The following UBAP2 variants were observed in gnomAD, a reference collection of about 807,000 sequenced individuals.
UBAP2 encodes ubiquitin-associated protein 2.
In UBAP2, 75 loss-of-function variants were observed where a neutral mutation model predicts 139.6. The observed-to-expected ratio is 0.54, with a 90% CI of 0.45 to 0.65. The LOEUF (loss-of-function observed/expected upper bound fraction) is 0.65. Ranked by LOEUF, UBAP2 falls within the 30% of genes least tolerant of loss-of-function variation. UBAP2 has a pLI of 0.00. For missense variants in UBAP2, 1,368 were observed against 1,369.6 expected, an observed-to-expected ratio of 1.00 and a Z score of 0.02; for synonymous variants, 526 against 526.2, an observed-to-expected ratio of 1.00 and a Z score of 0.01.
At chr9:34,008,708 T>C (rs1823460329) in intron 2 of UBAP2, among the ~76,000 whole-genome samples, 1 of 152,156 alleles carries the variant, frequency 6.6e-6, no homozygotes, top group Non-Finnish European at 1.5e-5. Context: ...GGCTCCTGCC[T>C]GTAATCCCAG....
intron 6 of UBAP2, among the ~76,000 whole-genome samples, chr9:33,978,880 T>C (rs1300046777): frequency 6.6e-6 from 1 of 152,184 alleles, no homozygotes; most frequent in African/African-American, 2.4e-5. Flanking sequence ...GAGTAAACTA[T>C]TGTTGCCTTT....
At chr9:33,929,602 T>C (rs991861666) in intron 19 of UBAP2, among the ~76,000 whole-genome samples, 2 of 152,050 alleles carry the variant, frequency 1.3e-5, no homozygotes, top group African/African-American at 4.8e-5. Context: ...AAAAAAATCA[T>C]AAACAGCAAA....
At chr9:33,977,045 T>TA (rs201712574) in intron 6 of UBAP2, among the ~76,000 whole-genome samples, 1,316 of 128,736 alleles carry the variant, frequency 0.01, 18 homozygotes, top group Non-Finnish European at 0.014. Flanking sequence ...TTTATTTATT[T>TA]TTTTTTTTTT....
Position 33,923,239 on chromosome 9 carries a change from T to C in UBAP2, c.2951A>G (p.Tyr984Cys), listed in dbSNP as rs751726196. Residue 984 changes from tyrosine to cysteine, a missense_variant, in exon 26 of 29, where the codon TAT becomes TGT. Physicochemically the swap from Tyr to Cys is radical, Grantham distance 194. Transcript: ENST00000379238. Reference sequence around the variant, plus strand: ...GTTTGGTGCCTGCGATGATCCAGCATAGCCACCTTTGGAGTAGTCTCCTGC... The same window carrying C: ...GTTTGGTGCCTGCGATGATCCAGCACAGCCACCTTTGGAGTAGTCTCCTGC... ...TAAGDYSKGG[Y>C]AGSSQAPNKS... 4 of 1,614,222 alleles carry C rather than the reference T, an allele frequency of 2.5e-6. No individual in the cohort carries two copies. The South Asian group carries it at 4.4e-5, about 18-fold the overall frequency.
At chr9:33,962,987 AT>A (rs1302160918) in intron 9 of UBAP2, among the ~76,000 whole-genome samples, 52 of 151,594 alleles carry the variant, frequency 3.4e-4, no homozygotes, top group Non-Finnish European at 3.1e-4. Flanking sequence ...CTCAAAAAAA[AT>A]AAATAAAAAT....
At chr9:34,036,217 C>T (rs1405338710) in intron 1 of UBAP2, among the ~76,000 whole-genome samples, 1 of 151,394 alleles carries the variant, frequency 6.6e-6, no homozygotes. Context: ...CAGGTTCAAA[C>T]GATTCTCCTC....
chr9:33,952,615 A>G (rs899157227), intron 12 of UBAP2, among the ~76,000 whole-genome samples: 4 of 152,240 alleles, frequency 2.6e-5, no homozygotes, highest in Non-Finnish European at 4.4e-5. Context: ...TTCGCATTTA[A>G]TTGGAAAACA....
intron 6 of UBAP2, among the ~76,000 whole-genome samples, chr9:33,977,887 T>C (rs1240007378): frequency 6.6e-6 from 1 of 151,244 alleles, no homozygotes; most frequent in Non-Finnish European, 1.5e-5. Flanking sequence ...ATGGTCTCAA[T>C]CTCTGTAGTC....
At chr9:33,985,467 G>C (rs307703) in intron 6 of UBAP2, among the ~76,000 whole-genome samples, 91,522 of 152,050 alleles carry the variant, frequency 0.6, 27,616 homozygotes, top group East Asian at 0.73. Context: ...TATATTTACA[G>C]GTTGGAATAC....
At position 33,941,808 on chromosome 9, in the gene UBAP2, A is replaced by G. The variant is rs1825233639; in HGVS notation, c.1770T>C (p.Tyr590=). 2.5e-6 allele frequency: 4 copies of G among 1,614,098 alleles called. No homozygotes were observed. In the East Asian group the frequency reaches 6.7e-5, roughly 27 times the overall value. ...TGCAGGAGGTAATGACGGAAGTTGT[A>G]TATGTGGAGTTCTGTACTGCACTGG... ...SMTSAVQNST[Y]TTSVITSCSL... Residue 590 remains tyrosine (Y), a synonymous_variant, in exon 16 of 29, where the codon TAT becomes TAC. Transcript: ENST00000379238.
intron 12 of UBAP2, among the ~76,000 whole-genome samples, chr9:33,951,045 T>G (rs1826051566): frequency 6.6e-6 from 1 of 152,194 alleles, no homozygotes; most frequent in Non-Finnish European, 1.5e-5. Flanking sequence ...TAATTATTAT[T>G]TGGAGACAAG....
At chr9:33,960,110 T>C (rs780482546) in intron 10 of UBAP2, among the ~76,000 whole-genome samples, 1 of 151,920 alleles carries the variant, frequency 6.6e-6, no homozygotes, top group East Asian at 1.9e-4. Flanking sequence ...TTTTATTATT[T>C]TTTTTTTTGT....
At chr9:33,992,720 A>C (rs979921321) in intron 4 of UBAP2, among the ~76,000 whole-genome samples, 4 of 152,142 alleles carry the variant, frequency 2.6e-5, no homozygotes, top group African/African-American at 9.7e-5. Flanking sequence ...TACCATAGTA[A>C]CTGCTAAAAA....
At chr9:34,039,618 C>T (rs1826854153) in intron 1 of UBAP2, among the ~76,000 whole-genome samples, 1 of 151,980 alleles carries the variant, frequency 6.6e-6, no homozygotes, top group Non-Finnish European at 1.5e-5. Context: ...AAGGGCGGTG[C>T]AAGATGTGCT....
chr9:34,017,186 A>G lies in UBAP2; in HGVS notation c.-38T>C. ...CAAAATAATGTATGTACAAAATAGA[A>G]AATCTGCAAGAAAGTAGGGATGGTA... On this transcript the variant is annotated 5_prime_UTR_variant, in exon 2 of 29. Transcript: ENST00000379238. 1 of 1,455,428 alleles carries G rather than the reference A, an allele frequency of 6.9e-7. No individual in the cohort carries two copies. Among genetic ancestry groups the G allele is most frequent in the Non-Finnish European group, 9.3e-7 (1 of 1,076,168 alleles). 90.2% of individuals were successfully genotyped at this position (1,455,428 alleles called of 1,614,324 possible).
In UBAP2 at chr9:33,923,480, T is replaced by TG. The variant is rs777532369; in HGVS notation, c.2797-3dup. On this transcript the variant is annotated splice_polypyrimidine_tract_variant and splice_region_variant and intron_variant, in intron 24 of 28. Coordinates refer to ENST00000379238, the MANE Select transcript of UBAP2 (RefSeq NM_001370062.2). Reference sequence around the variant, plus strand: ...TTGCTTGGCTGAGGCTGGAGGGACCTGGGGGGGCAAGCAGATGAGGTATTA... The same window carrying TG: ...TTGCTTGGCTGAGGCTGGAGGGACCTGGGGGGGGCAAGCAGATGAGGTATTA... The TG allele has an allele frequency of 5.9e-5, 95 of 1,613,592 alleles. No homozygotes were observed. Among genetic ancestry groups the TG allele is most frequent in the South Asian group, 2.6e-4 (24 of 91,056 alleles).
intron 4 of UBAP2, chr9:33,995,539 T>TTAAAAA (rs1554688647): frequency 7.4e-6 from 1 of 134,716 alleles, no homozygotes; most frequent in Non-Finnish European, 1.6e-5. Context: ...ATTTATATTA[T>TTAAAAA]TAAATATATT....
At chr9:33,932,263 C>T (rs184358189) in intron 19 of UBAP2, among the ~76,000 whole-genome samples, 73 of 150,324 alleles carry the variant, frequency 4.9e-4, no homozygotes, top group African/African-American at 1.7e-3. Context: ...AAAGAAGGCA[C>T]GAGGAAAGAT....
rs182105480 is a variant in UBAP2 at position 34,044,136 on chromosome 9, G to A, written c.-42+4689C>T. ...AAATTAGCCGGGCGCGGTGACTCAC[G>A]CCTGTAATCCCAGCACTTTGGGAGG... On this transcript the variant is annotated intron_variant, in intron 1 of 28. Transcript: ENST00000379238. Among the ~76,000 whole-genome samples, 137 of 142,618 alleles carry A rather than the reference G, an allele frequency of 9.6e-4. No homozygotes were observed. The East Asian group carries it at 0.018, about 19-fold the overall frequency. The allele number at this position is 142,618 out of a possible 152,430, so 93.6% of individuals were successfully genotyped here.
Sources: gnomAD v4.1 joint callset for allele counts (sites outside exome capture counted in the v4.1 genomes callset) on GRCh38, gnomAD v4.1.1 for gene constraint, MANE v1.5 for transcripts, NCBI Gene and HGNC (gene_info 2026-07-23, HGNC 2026-07-21) for gene names.